Variants in OPRM1 observed in about 807,000 individuals in gnomAD.
The protein encoded by OPRM1 is opioid receptor mu 1.
A neutral mutation model predicts 31.8 loss-of-function variants in OPRM1; 27 were observed. That is an observed-to-expected ratio of 0.85 (90% CI 0.63 to 1.17). OPRM1 has a LOEUF of 1.17. OPRM1 is among the 50% of genes most tolerant of loss of function. The pLI, the probability that OPRM1 is intolerant of heterozygous loss-of-function variation, is 0.00. For missense variants in OPRM1, 536 were observed against 511.1 expected (o/e 1.05, Z -0.47); for synonymous variants, 196 against 189.9 (o/e 1.03, Z -0.26).
rs1792160221 is a variant in OPRM1 at position 154,091,405 on chromosome 6, C to T, written c.1097C>T (p.Thr366Ile). Residue 366 changes from threonine to isoleucine, a missense_variant, in exon 3 of 4, where the codon ACT becomes ATT. Thr to Ile is a moderately conservative substitution (Grantham distance 89, BLOSUM62 -1). Coordinates refer to ENST00000330432, the MANE Select transcript of OPRM1 (RefSeq NM_000914.5). Reference sequence around the variant, plus strand: ...TCCAACATTGAGCAACAAAACTCCACTCGAATTCGTCAGAACACTAGAGAC... The same window carrying T: ...TCCAACATTGAGCAACAAAACTCCATTCGAATTCGTCAGAACACTAGAGAC... ...TSSNIEQQNS[T>I]RIRQNTRDHP... 6.2e-7 allele frequency: 1 copy of T among 1,614,112 alleles called. No homozygotes were observed.
rs112196462 is a variant in OPRM1, at chr6:154,226,127, C to A, written c.1165-20566C>A. On this transcript the variant is annotated intron_variant, in intron 3 of 3. Coordinates refer to the OPRM1 transcript ENST00000337049. ...TCAGAGTTCACTAGAGTTCTGTCCA[C>A]AGACTTATTCTCTTTTTGTTCCAAA... Among the ~76,000 whole-genome samples, 273 of 152,310 alleles carry A rather than the reference C, an allele frequency of 1.8e-3. 2 individuals are homozygous for A. Among genetic ancestry groups the A allele is most frequent in the African/African-American group, 6.3e-3 (261 of 41,568 alleles).
In OPRM1 at chr6:154,186,490, C is replaced by G. The variant is rs1033018890; in HGVS notation, c.1165-60203C>G. On this transcript the variant is annotated intron_variant, in intron 3 of 3. Transcript: ENST00000337049. ...AACACAGGCAGCAGCCACCTCGCCGCCTATCCTCCTTTCGCAGATGCTCCC... is the reference window on the plus strand; with the variant it reads ...AACACAGGCAGCAGCCACCTCGCCGGCTATCCTCCTTTCGCAGATGCTCCC... Among the ~76,000 whole-genome samples, 3 of 152,316 alleles carry G rather than the reference C, an allele frequency of 2.0e-5. No individual in the cohort carries two copies. In the South Asian group the frequency reaches 6.2e-4, roughly 32 times the overall value.
chr6:154,033,134 T>C (rs1471330), intron 1 of OPRM1, among the ~76,000 whole-genome samples: 3 of 152,002 alleles, frequency 2.0e-5, no homozygotes, highest in Non-Finnish European at 4.4e-5. Context: ...TAAACCAAAA[T>C]AAATTGTCAG....
At chr6:154,208,937 A>G (rs1777727507) in intron 3 of OPRM1, among the ~76,000 whole-genome samples, 1 of 152,230 alleles carries the variant, frequency 6.6e-6, no homozygotes, top group South Asian at 2.1e-4. Context: ...TTGAGAATAA[A>G]TGGATGTTCT....
intron 3 of OPRM1, among the ~76,000 whole-genome samples, chr6:154,220,644 A>G (rs978056000): frequency 1.1e-4 from 16 of 152,272 alleles, no homozygotes; most frequent in Admixed American, 3.9e-4. Context: ...TGTCTCAAAA[A>G]TAAATAAATA....
chr6:154,085,968 C>A (rs1790457483), intron 1 of OPRM1, among the ~76,000 whole-genome samples: 1 of 149,460 alleles, frequency 6.7e-6, no homozygotes, highest in Non-Finnish European at 1.5e-5. Context: ...CTGCCTCAGC[C>A]TCCCAAGTAG....
intron 3 of OPRM1, among the ~76,000 whole-genome samples, chr6:154,214,806 G>A (rs1209565248): frequency 6.6e-6 from 1 of 152,132 alleles, no homozygotes; most frequent in Non-Finnish European, 1.5e-5. Context: ...ATTCCTTGAA[G>A]AATTTTATGT....
In OPRM1 at chr6:154,099,308, A is replaced by AAGGAAGGAAGGAAGGAAGGAAGG. The variant is rs1562469644; in HGVS notation, c.1164+7837_1164+7838insGGAAGGAAGGAAGGAAGGAAGGA. Among the ~76,000 whole-genome samples, 156 of 87,224 alleles carry AAGGAAGGAAGGAAGGAAGGAAGG rather than the reference A, an allele frequency of 1.8e-3. 3 individuals are homozygous for AAGGAAGGAAGGAAGGAAGGAAGG. Among genetic ancestry groups the AAGGAAGGAAGGAAGGAAGGAAGG allele is most frequent in the Non-Finnish European group, 2.7e-3 (126 of 47,500 alleles). 57.2% of individuals were successfully genotyped at this position (87,224 alleles called of 152,430 possible). A position where few individuals can be genotyped will look rare whatever the true frequency, so the allele number is the denominator to read the frequency against. On this transcript the variant is annotated intron_variant, in intron 3 of 3. Transcript: ENST00000330432. ...GAAAGGAAGGAAGGAAGGAAGGAAG[A>AAGGAAGGAAGGAAGGAAGGAAGG]AAGGAAGGAAGGAAGGAAGGAAGGG...
intron 1 of OPRM1, among the ~76,000 whole-genome samples, chr6:154,058,206 TA>T (rs753215376): frequency 2.6e-5 from 4 of 152,100 alleles, no homozygotes; most frequent in South Asian, 2.1e-4. Flanking sequence ...TATGCATCTT[TA>T]AAAAAAATTG....
chr6:154,119,337 A>G lies in OPRM1; in HGVS notation c.*616A>G. On this transcript the variant is annotated 3_prime_UTR_variant, in exon 4 of 4. Coordinates refer to ENST00000330432, the MANE Select transcript of OPRM1 (RefSeq NM_000914.5). ...AATTGCAAGGGAAGAGATTAGCATGAAAGGTAATCTGAAACACAGTCATGT... is the reference window on the plus strand; with the variant it reads ...AATTGCAAGGGAAGAGATTAGCATGGAAGGTAATCTGAAACACAGTCATGT... The G allele has an allele frequency of 1.0e-6, 1 of 985,230 alleles. No individual in the cohort carries two copies. Among genetic ancestry groups the G allele is most frequent in the Non-Finnish European group, 1.2e-6 (1 of 829,736 alleles). 61.0% of individuals were successfully genotyped at this position (985,230 alleles called of 1,614,324 possible).
rs553286165 is a variant in OPRM1 at position 154,022,440 on chromosome 6, G to A, written c.-1+11422G>A. On this transcript the variant is annotated intron_variant, in intron 1 of 5. Transcript: ENST00000434900. ...CTGGCCTGCTCCCCACAGGGTTGTT[G>A]TATTCTGTTTATTAATCTCTTGTCA... 1.9e-4 allele frequency among the ~76,000 whole-genome samples: 23 copies of A among 121,006 alleles called. 4 individuals carry two copies. The highest frequency in any genetic ancestry group is 1.1e-3 in the African/African-American group (22 of 20,230). 79.4% of individuals were successfully genotyped at this position (121,006 alleles called of 152,430 possible).
intron 3 of OPRM1, among the ~76,000 whole-genome samples, chr6:154,141,930 G>C (rs920537072): frequency 2.0e-5 from 3 of 152,152 alleles, no homozygotes; most frequent in Admixed American, 6.5e-5. Context: ...CAATCCACAA[G>C]CCTCAGTTCC....
chr6:154,034,344 A>T (rs1779173757), upstream of OPRM1, among the ~76,000 whole-genome samples: 1 of 152,214 alleles, frequency 6.6e-6, no homozygotes, highest in Admixed American at 6.5e-5. Flanking sequence ...GGAGATCGAG[A>T]CCATCCTGGC....
chr6:154,048,205 G>A (rs568051802), intron 1 of OPRM1, among the ~76,000 whole-genome samples: 45 of 152,224 alleles, frequency 3.0e-4, no homozygotes, highest in African/African-American at 7.5e-4. Flanking sequence ...TTAAATTAAC[G>A]TTTACGTAAA....
At chr6:154,197,551 A>G (rs779335253) in intron 3 of OPRM1, among the ~76,000 whole-genome samples, 4 of 152,368 alleles carry the variant, frequency 2.6e-5, no homozygotes, top group Non-Finnish European at 5.9e-5. Flanking sequence ...GAAGAAGTAT[A>G]CAGATTTTGC....
chr6:154,229,954 G>A (rs1227367211), intron 3 of OPRM1, among the ~76,000 whole-genome samples: 3 of 152,172 alleles, frequency 2.0e-5, no homozygotes, highest in African/African-American at 7.2e-5. Flanking sequence ...AAGTGAAAGT[G>A]AAACACAAGC....
At chr6:154,084,917 AACACACACACACACACACACACAC>A (rs71669485) in intron 1 of OPRM1, among the ~76,000 whole-genome samples, 2 of 146,398 alleles carry the variant, frequency 1.4e-5, no homozygotes, top group Non-Finnish European at 3.0e-5. Context: ...TGTGGAATTA[AACACACACACACACACACACACAC>A]ACACACACAC....
intron 1 of OPRM1, among the ~76,000 whole-genome samples, chr6:154,054,745 T>C (rs1022989314): frequency 6.6e-6 from 1 of 152,238 alleles, no homozygotes; most frequent in Non-Finnish European, 1.5e-5. Context: ...GTAGTAAACA[T>C]GTAATGAAAG....
intron 3 of OPRM1, among the ~76,000 whole-genome samples, chr6:154,210,982 C>A (rs1298394274): frequency 1.6e-4 from 24 of 152,074 alleles, no homozygotes; most frequent in Non-Finnish European, 4.4e-5. Flanking sequence ...CAGGAACTTG[C>A]AAAACACAAT....
Sources: gnomAD v4.1 joint callset for allele counts (sites outside exome capture counted in the v4.1 genomes callset) on GRCh38, gnomAD v4.1.1 for gene constraint, MANE v1.5 for transcripts, NCBI Gene and HGNC (gene_info 2026-07-23, HGNC 2026-07-21) for gene names.